The following CDH4 variants were observed in gnomAD, a reference collection of about 807,000 sequenced individuals.
CDH4 encodes cadherin-4.
A neutral mutation model predicts 86.0 loss-of-function variants in CDH4; 33 were observed. The ratio of observed to expected loss-of-function variants is 0.38; its 90% confidence interval spans 0.29 to 0.51. The LOEUF (loss-of-function observed/expected upper bound fraction) is 0.51. Ranked by LOEUF, CDH4 falls within the 20% of genes least tolerant of loss-of-function variation. CDH4 has a pLI of 0.86. For synonymous variants in CDH4, 555 were observed against 549.4 expected (o/e 1.01, Z -0.14); for missense variants, 1,114 against 1,307.4 (o/e 0.85, Z 2.28).
At chr20:61,723,930 G>GTGGGGTGGGTCCCCATGCAGGGGGCACA (rs11204445) in intron 2 of CDH4, among the ~76,000 whole-genome samples, 1 of 103,294 alleles carries the variant, frequency 9.7e-6, no homozygotes, top group African/African-American at 5.1e-5. Flanking sequence ...CATGTGGCAG[G>GTGGGGTGGGTCCCCATGCAGGGGGCACA]GGGGTAGGTC....
chr20:61,309,678 C>T (rs2084435357), intron 2 of CDH4, among the ~76,000 whole-genome samples: 1 of 152,188 alleles, frequency 6.6e-6, no homozygotes, highest in Non-Finnish European at 1.5e-5. Flanking sequence ...AATGCATGAA[C>T]TTAATTATTC....
chr20:61,341,167 G>C (rs1046082076), intron 2 of CDH4, among the ~76,000 whole-genome samples: 2 of 152,194 alleles, frequency 1.3e-5, no homozygotes, highest in African/African-American at 4.8e-5. Flanking sequence ...ATTTCAAGAT[G>C]TGAGTGCTGT....
At position 61,673,484 on chromosome 20, in the gene CDH4, G is replaced by C. The variant is rs541996894; in HGVS notation, c.170-70079G>C. 2.0e-5 allele frequency among the ~76,000 whole-genome samples: 3 copies of C among 152,380 alleles called. No homozygotes were observed. The South Asian group carries it at 6.2e-4, about 32-fold the overall frequency. ...CCTTCTGCTCCTAGCAAGCAAGGAG[G>C]CAGTTGAGGAGCCTGGCGGTTTTCA... On this transcript the variant is annotated intron_variant, in intron 2 of 15. Coordinates refer to ENST00000614565, the MANE Select transcript of CDH4 (RefSeq NM_001794.5).
Position 61,368,612 on chromosome 20 carries a change from G to T in CDH4, c.169+113675G>T, listed in dbSNP as rs574431114. Among the ~76,000 whole-genome samples, 4 of 152,168 alleles carry T rather than the reference G, an allele frequency of 2.6e-5. No homozygotes were observed. The South Asian group carries it at 8.3e-4, about 32-fold the overall frequency. On this transcript the variant is annotated intron_variant, in intron 2 of 15. Coordinates refer to ENST00000614565, the MANE Select transcript of CDH4 (RefSeq NM_001794.5). ...GCTCACTGCAACCTCCACCTCCTGG[G>T]TTCAAGTGATTCTCCTGCCTTAGCC...
chr20:61,469,131 G>A (rs1050077114), intron 2 of CDH4, among the ~76,000 whole-genome samples: 7 of 152,148 alleles, frequency 4.6e-5, no homozygotes, highest in Non-Finnish European at 7.4e-5. Flanking sequence ...CCCCCAAGCA[G>A]TTCTCCATAG....
intron 2 of CDH4, among the ~76,000 whole-genome samples, chr20:61,725,883 G>C (rs905143000): frequency 2.6e-5 from 4 of 152,220 alleles, no homozygotes; most frequent in Non-Finnish European, 5.9e-5. Context: ...TGATGTGCAA[G>C]GCACTAATGA....
intron 2 of CDH4, among the ~76,000 whole-genome samples, chr20:61,591,384 G>A (rs2086518406): frequency 6.6e-6 from 1 of 152,146 alleles, no homozygotes; most frequent in African/African-American, 2.4e-5. Context: ...GTGAGACATT[G>A]GCATTGTGCT....
At chr20:61,699,241 T>TAA (rs1293573127) in intron 2 of CDH4, among the ~76,000 whole-genome samples, 2 of 152,224 alleles carry the variant, frequency 1.3e-5, no homozygotes, top group African/African-American at 4.8e-5. Context: ...ACGGTGGCTG[T>TAA]AAATGCATTT....
At position 61,937,893 on chromosome 20, in the gene CDH4, T is replaced by A. The variant is rs1030804204; in HGVS notation, c.*950T>A. The A allele has an allele frequency of 5.3e-5, 8 of 152,362 alleles. No individual in the cohort carries two copies. Among genetic ancestry groups the A allele is most frequent in the Non-Finnish European group, 7.3e-5 (5 of 68,218 alleles). The allele number at this position is 152,362 out of a possible 1,614,324, so 9.4% of individuals were successfully genotyped here. ...TCAACGGCCCCGCGACAGGCATCAA[T>A]TCAAACCCCAGGACACTCTCGACAG... On this transcript the variant is annotated 3_prime_UTR_variant, in exon 16 of 16. Coordinates refer to ENST00000614565, the MANE Select transcript of CDH4 (RefSeq NM_001794.5).
At position 61,916,873 on chromosome 20, in the gene CDH4, G is replaced by T. The variant is rs189271327; in HGVS notation, c.1374+6266G>T. ...CCGACTTAGCTTCTGTTTCTAGCTGGGTCCCCCCAGGTGGTGGTAAGTGGT... is the reference window on the plus strand; with the variant it reads ...CCGACTTAGCTTCTGTTTCTAGCTGTGTCCCCCCAGGTGGTGGTAAGTGGT... On this transcript the variant is annotated intron_variant, in intron 9 of 15. Coordinates refer to ENST00000614565, the MANE Select transcript of CDH4 (RefSeq NM_001794.5). Among the ~76,000 whole-genome samples the T allele has an allele frequency of 1.1e-4, 17 of 152,334 alleles. No homozygotes were observed. The East Asian group carries it at 2.3e-3, about 21-fold the overall frequency.
intron 5 of CDH4, among the ~76,000 whole-genome samples, chr20:61,845,351 C>T (rs1217642139): frequency 1.3e-5 from 2 of 152,238 alleles, no homozygotes; most frequent in African/African-American, 4.8e-5. Context: ...GCGCTGATTC[C>T]CTGTCAGGGG....
chr20:61,935,967 C>G lies in CDH4; in HGVS notation c.2545-770C>G, dbSNP rs1241079439. ...TTAAAAATGAAAACAACAAACCAGT[C>G]CATACTGAATGACACTGAGTACCCT... is the stretch of plus-strand genomic sequence containing the variant. On this transcript the variant is annotated intron_variant, in intron 15 of 15. Coordinates refer to ENST00000614565, the MANE Select transcript of CDH4 (RefSeq NM_001794.5). Among the ~76,000 whole-genome samples the G allele has an allele frequency of 4.6e-5, 7 of 152,240 alleles. No homozygotes were observed. In the East Asian group the frequency reaches 1.4e-3, roughly 29 times the overall value.
chr20:61,257,943 G>A (rs1252403622), intron 2 of CDH4, among the ~76,000 whole-genome samples: 1 of 152,156 alleles, frequency 6.6e-6, no homozygotes, highest in African/African-American at 2.4e-5. Flanking sequence ...CAACGAAGCG[G>A]GAACAGGTGA....
chr20:61,770,450 C>T (rs1295304428), intron 3 of CDH4, among the ~76,000 whole-genome samples: 1 of 152,240 alleles, frequency 6.6e-6, no homozygotes, highest in African/African-American at 2.4e-5. Context: ...GCATCAACCA[C>T]GAAGACTGGA....
rs141912143 is a variant in CDH4, at chr20:61,323,573, G to A, written c.169+68636G>A. On this transcript the variant is annotated intron_variant, in intron 2 of 15. Transcript: ENST00000614565. ...CTGCCACCATTCTGTCATGTTACGC[G>A]GGCCTGCAACCCCTCCCCACCCCTG... 3.8e-3 allele frequency among the ~76,000 whole-genome samples: 582 copies of A among 152,240 alleles called. 8 individuals carry two copies. The highest frequency in any genetic ancestry group is 0.013 in the African/African-American group (536 of 41,534).
intron 2 of CDH4, among the ~76,000 whole-genome samples, chr20:61,493,920 C>T (rs1258995762): frequency 6.6e-6 from 1 of 152,196 alleles, no homozygotes; most frequent in Admixed American, 6.5e-5. Flanking sequence ...CAGAGCCTGG[C>T]CCATGGTCCT....
At chr20:61,817,590 G>A (rs1309561648) in intron 4 of CDH4, among the ~76,000 whole-genome samples, 1 of 151,968 alleles carries the variant, frequency 6.6e-6, no homozygotes, top group Non-Finnish European at 1.5e-5. Context: ...TGCCTGTCCT[G>A]CGCACTTTGT....
In CDH4 at chr20:61,829,881, G is replaced by C. The variant is rs933531051; in HGVS notation, c.577-14787G>C. Reference sequence around the variant, plus strand: ...CCCTCATCCCTCCCGCCCCTAGCCTGCTGGGGTGGGAGGGACGAGGCTCCT... The same window carrying C: ...CCCTCATCCCTCCCGCCCCTAGCCTCCTGGGGTGGGAGGGACGAGGCTCCT... On this transcript the variant is annotated intron_variant, in intron 4 of 15. Transcript: ENST00000614565. This position sits in a 1 kb window ranked among gnomAD's most constrained non-coding sequence, Gnocchi z 4.2. 6.6e-6 allele frequency among the ~76,000 whole-genome samples: 1 copy of C among 151,998 alleles called. No individual in the cohort carries two copies. Among genetic ancestry groups the C allele is most frequent in the Admixed American group, 6.5e-5 (1 of 15,268 alleles).
chr20:61,307,772 G>A (rs1456521937), intron 2 of CDH4, among the ~76,000 whole-genome samples: 1 of 152,196 alleles, frequency 6.6e-6, no homozygotes, highest in Non-Finnish European at 1.5e-5. Flanking sequence ...TGCAGGGCTG[G>A]ACTGCTTCCC....
Sources: allele counts gnomAD v4.1 joint callset (sites outside exome capture counted in the v4.1 genomes callset), GRCh38; gene constraint gnomAD v4.1.1; non-coding constraint Gnocchi (gnomAD v3.1); transcripts MANE v1.5; gene names NCBI Gene and HGNC (gene_info 2026-07-23, HGNC 2026-07-21).